Variants in MACROH2A2 observed in about 807,000 individuals in gnomAD.
MACROH2A2 encodes the protein core histone macro-H2A.2.
Under a neutral mutation model 37.6 loss-of-function variants are expected in MACROH2A2, and 6 were observed. The observed-to-expected ratio is 0.16, with a 90% CI of 0.09 to 0.32. The LOEUF is 0.32. Ranked by LOEUF, MACROH2A2 falls within the 10% of genes least tolerant of loss-of-function variation. MACROH2A2 has a pLI of 1.00. For missense variants in MACROH2A2, 290 were observed against 485.9 expected (o/e 0.60, Z 3.79); for synonymous variants, 192 against 202.7 (o/e 0.95, Z 0.45).
At position 70,091,969 on chromosome 10, in the gene MACROH2A2, C is replaced by G; in HGVS notation, c.477+15C>G. ...CGTCCAAAAAGGTAGGCCGAGGCTG[C>G]GTGTCCTGGGCCAGGCACTCCCACT... On this transcript the variant is annotated intron_variant, in intron 4 of 8. Transcript: ENST00000373255. 1 of 1,606,358 alleles carries G rather than the reference C, an allele frequency of 6.2e-7. No homozygotes were observed. Among genetic ancestry groups the G allele is most frequent in the Non-Finnish European group, 8.5e-7 (1 of 1,174,688 alleles).
chr10:70,071,439 AG>A (rs1385888782), intron 1 of MACROH2A2, among the ~76,000 whole-genome samples: 1 of 152,194 alleles, frequency 6.6e-6, no homozygotes, highest in African/African-American at 2.4e-5. Flanking sequence ...CAGAAAAATC[AG>A]GATGTTTAAG....
At chr10:70,097,052 C>CT (rs1564546673) in intron 6 of MACROH2A2, among the ~76,000 whole-genome samples, 2 of 152,042 alleles carry the variant, frequency 1.3e-5, no homozygotes, top group African/African-American at 4.8e-5. Flanking sequence ...TAATATGCTT[C>CT]TTTTTTTTAA....
chr10:70,091,029 A>G (rs2072241827), intron 3 of MACROH2A2, among the ~76,000 whole-genome samples: 1 of 152,242 alleles, frequency 6.6e-6, no homozygotes, highest in African/African-American at 2.4e-5. Flanking sequence ...GGCCAGACAT[A>G]CTTTACTGAT....
intron 1 of MACROH2A2, among the ~76,000 whole-genome samples, chr10:70,062,517 CTCT>C (rs2072055871): frequency 1.3e-5 from 2 of 152,220 alleles, no homozygotes; most frequent in African/African-American, 4.8e-5. Context: ...GCTCTAAGAT[CTCT>C]TATTTCTAGA....
intron 6 of MACROH2A2, chr10:70,099,456 T>C (rs1162016968): frequency 6.6e-6 from 1 of 152,188 alleles, no homozygotes; most frequent in Admixed American, 6.5e-5. Context: ...TGAAAACATC[T>C]GAAAAATGCC....
Position 70,112,200 on chromosome 10 carries a change from C to CTTTT in MACROH2A2, c.*522_*525dup, listed in dbSNP as rs1022965358. The CTTTT allele has an allele frequency of 6.6e-6, 1 of 151,084 alleles. No homozygotes were observed. The highest frequency in any genetic ancestry group is 6.6e-5 in the Admixed American group (1 of 15,062). The allele number at this position is 151,084 out of a possible 1,614,324, so 9.4% of individuals were successfully genotyped here. On this transcript the variant is annotated 3_prime_UTR_variant, in exon 9 of 9. Transcript: ENST00000373255. ...ACTCCTAAAAAGGTTTTGATTCAGGCTTTTTTTTGGTTTCATTTTGTTTTT... is the reference window on the plus strand; with the variant it reads ...ACTCCTAAAAAGGTTTTGATTCAGGCTTTTTTTTTTTTGGTTTCATTTTGTTTTT...
At chr10:70,080,851 C>T (rs1392247275) in intron 2 of MACROH2A2, among the ~76,000 whole-genome samples, 2 of 132,982 alleles carry the variant, frequency 1.5e-5, no homozygotes. Flanking sequence ...CACCATTGCA[C>T]TCCAGCCTGG....
intron 8 of MACROH2A2, 108 bp from the exon 9 acceptor site, chr10:70,111,410 C>T: frequency 1.1e-6 from 1 of 947,068 alleles, no homozygotes; most frequent in Non-Finnish European, 1.6e-6. Context: ...CATGCATGGA[C>T]TAGCCCTGCA....
chr10:70,088,256 TCA>T (rs891690043), intron 2 of MACROH2A2, among the ~76,000 whole-genome samples: 8 of 149,600 alleles, frequency 5.3e-5, no homozygotes, highest in East Asian at 3.9e-4. Flanking sequence ...GCCTGCACAC[TCA>T]CACACACACA....
chr10:70,110,866 T>A (rs1172296654), intron 8 of MACROH2A2, among the ~76,000 whole-genome samples: 1 of 150,438 alleles, frequency 6.6e-6, no homozygotes, highest in Non-Finnish European at 1.5e-5. Flanking sequence ...CTAGCCTGAG[T>A]GATGGAGCAA....
At chr10:70,068,646 G>T (rs769661775) in intron 1 of MACROH2A2, among the ~76,000 whole-genome samples, 31 of 152,094 alleles carry the variant, frequency 2.0e-4, no homozygotes, top group African/African-American at 6.8e-4. Flanking sequence ...GAAAAAAATG[G>T]CATCATCTAA....
At chr10:70,090,803 C>T (rs1401009322) in intron 3 of MACROH2A2, among the ~76,000 whole-genome samples, 1 of 152,162 alleles carries the variant, frequency 6.6e-6, no homozygotes. Context: ...TTATCAGATT[C>T]AACAGATATA....
intron 2 of MACROH2A2, among the ~76,000 whole-genome samples, chr10:70,082,169 C>T (rs1468448458): frequency 1.3e-5 from 2 of 152,228 alleles, no homozygotes; most frequent in African/African-American, 2.4e-5. Context: ...CCTGTAATCC[C>T]TGCACTTTGG....
chr10:70,100,073 G>T (rs747001692), intron 6 of MACROH2A2, 135 bp from the exon 7 acceptor site: 1 of 556,186 alleles, frequency 1.8e-6, no homozygotes, highest in Non-Finnish European at 3.2e-6. Flanking sequence ...TGGCAAACCA[G>T]GATAACAATT....
In MACROH2A2 at chr10:70,071,060, C is replaced by T. The variant is rs182297526; in HGVS notation, c.-59-4540C>T. ...GTGCACGTGCATGCGTGTGTGGGCG[C>T]GCGTGTGCATGTGCATGAGTGTGTG... On this transcript the variant is annotated intron_variant, in intron 1 of 8. Coordinates refer to ENST00000373255, the MANE Select transcript of MACROH2A2 (RefSeq NM_018649.3). Among the ~76,000 whole-genome samples, 669 of 148,292 alleles carry T rather than the reference C, an allele frequency of 4.5e-3. 22 individuals carry two copies. Among genetic ancestry groups the T allele is most frequent in the Non-Finnish European group, 1.1e-3 (73 of 67,244 alleles).
intron 2 of MACROH2A2, among the ~76,000 whole-genome samples, chr10:70,076,035 G>A (rs1367265601): frequency 3.9e-5 from 6 of 152,310 alleles, no homozygotes; most frequent in African/African-American, 1.4e-4. Flanking sequence ...AGGAAGGACA[G>A]GTGATCAGCA....
chr10:70,057,646 A>G (rs2072025814), intron 1 of MACROH2A2, among the ~76,000 whole-genome samples: 3 of 152,222 alleles, frequency 2.0e-5, no homozygotes, highest in Non-Finnish European at 4.4e-5. Context: ...CAAGTACCGT[A>G]CTAATTGTAG....
chr10:70,110,359 G>C (rs888065061), intron 8 of MACROH2A2, among the ~76,000 whole-genome samples: 2 of 152,138 alleles, frequency 1.3e-5, no homozygotes, highest in African/African-American at 4.8e-5. Flanking sequence ...GAGTCACAAT[G>C]CTGAAATTAC....
intron 6 of MACROH2A2, among the ~76,000 whole-genome samples, chr10:70,096,915 A>G (rs756970584): frequency 2.0e-5 from 3 of 152,194 alleles, no homozygotes; most frequent in Non-Finnish European, 4.4e-5. Context: ...TCCACTCTCC[A>G]TGGAAGGACG....
Sources: gnomAD v4.1 joint callset for allele counts (sites outside exome capture counted in the v4.1 genomes callset) on GRCh38, gnomAD v4.1.1 for gene constraint, MANE v1.5 for transcripts, NCBI Gene and HGNC (gene_info 2026-07-23, HGNC 2026-07-21) for gene names.